The following DEPDC5 variants were observed in gnomAD, a reference collection of about 807,000 sequenced individuals.
The protein encoded by DEPDC5 is GATOR1 complex protein DEPDC5.
In DEPDC5, 73 loss-of-function variants were observed where a neutral mutation model predicts 217.3. That is an observed-to-expected ratio of 0.34 (90% CI 0.28 to 0.41). DEPDC5 has a LOEUF of 0.41. DEPDC5 is among the 10% of genes least tolerant of loss of function. The probability of loss-of-function intolerance (pLI) is 1.00; values close to 1 mark genes in which losing one functional copy is unlikely to be tolerated. For missense variants in DEPDC5, 1,675 were observed against 2,070.1 expected, an observed-to-expected ratio of 0.81 and a Z score of 3.70; for synonymous variants, 733 against 756.7, an observed-to-expected ratio of 0.97 and a Z score of 0.51.
intron 22 of DEPDC5, among the ~76,000 whole-genome samples, chr22:31,820,216 A>G (rs1024922699): frequency 2.0e-5 from 3 of 152,048 alleles, no homozygotes; most frequent in Admixed American, 6.6e-5. Context: ...GGTTCAAACA[A>G]TTCTTCTGCC....
At chr22:31,783,662 C>A (rs1237266806) in intron 8 of DEPDC5, among the ~76,000 whole-genome samples, 4 of 151,974 alleles carry the variant, frequency 2.6e-5, no homozygotes, top group Non-Finnish European at 5.9e-5. Flanking sequence ...AGAGTGAGAT[C>A]CTGTCTCAAA....
intron 31 of DEPDC5, among the ~76,000 whole-genome samples, chr22:31,847,231 GC>G (rs2091787900): frequency 4.6e-5 from 7 of 152,176 alleles, no homozygotes; most frequent in Middle Eastern, 3.4e-3. Context: ...ACATATTTGA[GC>G]CGGGGCCAGG....
At chr22:31,836,794 ACT>A (rs2091031453) in intron 25 of DEPDC5, 176 bp from the exon 26 acceptor site, 2 of 612,770 alleles carry the variant, frequency 3.3e-6, no homozygotes, top group African/African-American at 1.9e-5. Flanking sequence ...TGTCTAACAA[ACT>A]CTGTTTCTCT....
At chr22:31,871,371 C>T (rs2149237216) in intron 34 of DEPDC5, among the ~76,000 whole-genome samples, 1 of 152,336 alleles carries the variant, frequency 6.6e-6, no homozygotes, top group South Asian at 2.1e-4. Flanking sequence ...TATACCCCTG[C>T]CCTGAGAGCA....
chr22:31,755,471 A>AT (rs2075240974), intron 2 of DEPDC5: 1 of 153,436 alleles, frequency 6.5e-6, no homozygotes, highest in Admixed American at 6.5e-5. Flanking sequence ...TCTGCTTCTA[A>AT]TTTTCCTGGT....
intron 24 of DEPDC5, among the ~76,000 whole-genome samples, chr22:31,825,363 C>T (rs1017416770): frequency 1.3e-5 from 2 of 152,162 alleles, no homozygotes; most frequent in African/African-American, 4.8e-5. Context: ...TAACATGACA[C>T]CATTGTGGAG....
Position 31,874,289 on chromosome 22 carries a change from C to G in DEPDC5, c.3580C>G (p.Leu1194Val). The G allele has an allele frequency of 6.2e-7, 1 of 1,607,464 alleles. No individual in the cohort carries two copies. The highest frequency in any genetic ancestry group is 8.5e-7 in the Non-Finnish European group (1 of 1,176,832). The change falls in exon 36 of 43, where the codon CTC becomes GTC. Residue 1194 changes from leucine to valine, a missense_variant. Transcript: ENST00000651528. ...GGAACCCAGGACAGGAGTCCAGCTG[C>G]TCTCTGAACAGAAGGGCCTCTCACC... Reference protein sequence around the residue: ...MKHPSTGVQLLSEQKGLSPYC... With the variant: ...MKHPSTGVQLVSEQKGLSPYC...
At chr22:31,799,925 C>T (rs780029325) in intron 14 of DEPDC5, among the ~76,000 whole-genome samples, 1 of 150,702 alleles carries the variant, frequency 6.6e-6, no homozygotes, top group Non-Finnish European at 1.5e-5. Context: ...GCCTCAGCCT[C>T]CCAAGTAGCT....
In DEPDC5 at chr22:31,893,595, A is replaced by G. The variant is rs369624291; in HGVS notation, c.4047A>G (p.Pro1349=). 1.2e-6 allele frequency: 2 copies of G among 1,607,742 alleles called. No individual in the cohort carries two copies. Among genetic ancestry groups the G allele is most frequent in the Non-Finnish European group, 1.7e-6 (2 of 1,177,408 alleles). Residue 1349 remains proline (P), a synonymous_variant, in exon 39 of 43, where the codon CCA becomes CCG. Transcript: ENST00000651528. ...GTGCTGACATAGCTGCCACTGTCCC[A>G]GAGCAGAGGACTGTGACCCTGGATG... ...QAAALLAATV[P]EQRTVTLDVD...
intron 28 of DEPDC5, 104 bp from the exon 29 acceptor site, chr22:31,843,539 GGT>G (rs912236677): frequency 1.3e-5 from 17 of 1,353,256 alleles, no homozygotes; most frequent in Admixed American, 2.2e-5. Context: ...ACAGTTGAGG[GGT>G]AAATGTCAAG....
intron 14 of DEPDC5, among the ~76,000 whole-genome samples, 194 bp downstream of exon 14, chr22:31,798,850 G>A (rs1407368510): frequency 6.6e-6 from 1 of 152,168 alleles, no homozygotes; most frequent in Non-Finnish European, 1.5e-5. Context: ...CTACTCCATA[G>A]AAAGAGCAGG....
intron 24 of DEPDC5, 63 bp from the exon 25 acceptor site, chr22:31,833,852 A>G (rs1320041997): frequency 7.1e-7 from 1 of 1,399,884 alleles, no homozygotes. Flanking sequence ...TTCAACCATA[A>G]CTGGTCAGAA....
intron 33 of DEPDC5, among the ~76,000 whole-genome samples, chr22:31,869,241 A>G (rs74705758): frequency 2.3e-5 from 3 of 131,966 alleles, no homozygotes; most frequent in African/African-American, 6.5e-5. Context: ...CTGTCTCTGG[A>G]AAAAAAAAAA....
intron 31 of DEPDC5, among the ~76,000 whole-genome samples, chr22:31,848,598 G>T (rs1486567155): frequency 6.6e-6 from 1 of 152,060 alleles, no homozygotes; most frequent in East Asian, 1.9e-4. Flanking sequence ...AGGAGGCCAG[G>T]CCCAGGAAAC....
chr22:31,895,163 A>AC (rs1300452100), intron 39 of DEPDC5, among the ~76,000 whole-genome samples: 1 of 149,562 alleles, frequency 6.7e-6, no homozygotes, highest in African/African-American at 2.5e-5. Flanking sequence ...AAAAAAAAAA[A>AC]GGAAAGAAAG....
At chr22:31,807,248 C>T (rs2087657967) in intron 18 of DEPDC5, among the ~76,000 whole-genome samples, 1 of 152,112 alleles carries the variant, frequency 6.6e-6, no homozygotes, top group Admixed American at 6.5e-5. Context: ...CATTTTGGGG[C>T]ATGCGATGTA....
intron 12 of DEPDC5, among the ~76,000 whole-genome samples, chr22:31,793,155 A>T (rs967583334): frequency 6.6e-6 from 1 of 152,210 alleles, no homozygotes; most frequent in Non-Finnish European, 1.5e-5. Context: ...TTTCAAAGAT[A>T]ACACAGTTCC....
At chr22:31,873,409 T>C in intron 35 of DEPDC5, 77 bp downstream of exon 35, 1 of 1,524,714 alleles carries the variant, frequency 6.6e-7, no homozygotes, top group South Asian at 1.2e-5. Flanking sequence ...CAGCGTGGTT[T>C]GGTAGATTTG....
chr22:31,802,485 A>G (rs748402235), intron 14 of DEPDC5, among the ~76,000 whole-genome samples: 18 of 152,130 alleles, frequency 1.2e-4, no homozygotes, highest in Admixed American at 5.9e-4. Flanking sequence ...TGAGGTGTCA[A>G]TGAGGGGTAT....
Sources: gnomAD v4.1 joint callset for allele counts (sites outside exome capture counted in the v4.1 genomes callset) on GRCh38, gnomAD v4.1.1 for gene constraint, MANE v1.5 for transcripts, NCBI Gene and HGNC (gene_info 2026-07-23, HGNC 2026-07-21) for gene names.